The following JPH3 variants were observed in gnomAD, a reference collection of about 807,000 sequenced individuals.
JPH3 encodes junctophilin-3.
JPH3 carries 11 observed loss-of-function variants against 59.6 expected under a neutral mutation model. The observed-to-expected ratio is 0.18, with a 90% CI of 0.12 to 0.31. The LOEUF (loss-of-function observed/expected upper bound fraction) is 0.31, where lower values mean the gene tolerates loss of function less well. Ranked by LOEUF, JPH3 falls within the 10% of genes least tolerant of loss-of-function variation. The probability of loss-of-function intolerance (pLI) is 1.00; values close to 1 mark genes in which losing one functional copy is unlikely to be tolerated. For synonymous variants in JPH3, 673 were observed against 483.6 expected (o/e 1.39, Z -5.14); for missense variants, 1,202 against 1,105.7 (o/e 1.09, Z -1.24).
intron 4 of JPH3, chr16:87,696,367 C>T (rs899688620): frequency 4.7e-5 from 28 of 592,274 alleles, no homozygotes; most frequent in African/African-American, 2.4e-4. Context: ...CAACCTCAGA[C>T]GTACAGGCAG....
chr16:87,690,503 G>A lies in JPH3; in HGVS notation c.2143G>A (p.Gly715Arg), dbSNP rs143235998. The A allele has an allele frequency of 1.3e-6, 2 of 1,483,562 alleles. No individual in the cohort carries two copies. Among genetic ancestry groups the A allele is most frequent in the Non-Finnish European group, 1.8e-6 (2 of 1,118,002 alleles). 91.9% of individuals were successfully genotyped at this position (1,483,562 alleles called of 1,614,324 possible). A position where few individuals can be genotyped will look rare whatever the true frequency, so the allele number is the denominator to read the frequency against. The change falls in exon 4 of 5, where the codon GGG becomes AGG. Residue 715 changes from glycine to arginine, a missense_variant. By Grantham distance (125) the Gly-to-Arg change is moderately radical. Coordinates refer to ENST00000284262, the MANE Select transcript of JPH3 (RefSeq NM_020655.4). ...PVALESDEEN[G>R]DELKSSTGSA... is the part of the protein sequence containing the mutation. ...CGCTCTAGAGTCCGACGAGGAGAAT[G>A]GGGATGAGCTCAAGTCCAGTACGGT...
chr16:87,690,985 G>C (rs8044545), intron 4 of JPH3, among the ~76,000 whole-genome samples: 38,013 of 152,024 alleles, frequency 0.25, 5,967 homozygotes, highest in African/African-American at 0.43. Context: ...GTTGGGGGGA[G>C]CTGCCAGTCC....
intron 1 of JPH3, among the ~76,000 whole-genome samples, chr16:87,641,662 A>G (rs1346261834): frequency 2.0e-5 from 3 of 152,218 alleles, no homozygotes; most frequent in Admixed American, 6.5e-5. Context: ...TGCGTTGCCG[A>G]TTCCTTTTTC....
At chr16:87,674,033 TA>T (rs369927115) in intron 2 of JPH3, among the ~76,000 whole-genome samples, 98 of 145,398 alleles carry the variant, frequency 6.7e-4, no homozygotes, top group African/African-American at 1.6e-3. Context: ...AGTGTTAAGT[TA>T]AAAAAAAAAA....
intron 1 of JPH3, among the ~76,000 whole-genome samples, chr16:87,637,134 A>G (rs1372782321): frequency 6.6e-6 from 1 of 152,152 alleles, no homozygotes; most frequent in Non-Finnish European, 1.5e-5. Context: ...TTACATCTGT[A>G]TTTTTATTTC....
At chr16:87,670,336 G>C (rs572559887) in intron 2 of JPH3, among the ~76,000 whole-genome samples, 1 of 152,150 alleles carries the variant, frequency 6.6e-6, no homozygotes, top group Non-Finnish European at 1.5e-5. Context: ...GCAAACCCAC[G>C]TGTGGCCTCT....
chr16:87,629,422 G>T lies in JPH3; in HGVS notation c.383-14836G>T, dbSNP rs1390886695. ...GATTTGGTCCATCCCATCTTTGTGG[G>T]TTTTTTTTTTTTTAATTTGGATGTG... On this transcript the variant is annotated intron_variant, in intron 1 of 4. Coordinates refer to ENST00000284262, the MANE Select transcript of JPH3 (RefSeq NM_020655.4). Among the ~76,000 whole-genome samples, 4 of 145,724 alleles carry T rather than the reference G, an allele frequency of 2.7e-5. No individual in the cohort carries two copies. In the South Asian group the frequency reaches 6.5e-4, roughly 24 times the overall value.
At chr16:87,638,517 C>G (rs1355511238) in intron 1 of JPH3, among the ~76,000 whole-genome samples, 1 of 151,982 alleles carries the variant, frequency 6.6e-6, no homozygotes, top group Admixed American at 6.6e-5. Flanking sequence ...AAGAATTGTG[C>G]CGGAACAGTG....
chr16:87,691,463 G>C (rs2033571050), intron 4 of JPH3, among the ~76,000 whole-genome samples: 2 of 152,202 alleles, frequency 1.3e-5, no homozygotes, highest in South Asian at 4.1e-4. Context: ...GAGGACGCAG[G>C]GGGGTGTCCG....
intron 1 of JPH3, among the ~76,000 whole-genome samples, chr16:87,608,393 G>A (rs2030606997): frequency 6.6e-6 from 1 of 152,226 alleles, no homozygotes; most frequent in South Asian, 2.1e-4. Flanking sequence ...CTAGAGGAGA[G>A]GGTGATGTTG....
intron 1 of JPH3, among the ~76,000 whole-genome samples, chr16:87,640,081 C>T (rs543989587): frequency 4.1e-4 from 63 of 152,280 alleles, no homozygotes; most frequent in African/African-American, 1.5e-3. Context: ...ATTTAACAAG[C>T]ACTTTGGGAG....
intron 2 of JPH3, among the ~76,000 whole-genome samples, chr16:87,646,954 G>A (rs557446000): frequency 6.6e-6 from 1 of 152,162 alleles, no homozygotes; most frequent in South Asian, 2.1e-4. Flanking sequence ...TAAGAGAAGC[G>A]GGTTCCCATT....
Position 87,616,193 on chromosome 16 carries a change from TG to T in JPH3, c.382+12666del, listed in dbSNP as rs1567583269. Among the ~76,000 whole-genome samples, 546 of 63,030 alleles carry T rather than the reference TG, an allele frequency of 8.7e-3. 6 individuals carry two copies. Among genetic ancestry groups the T allele is most frequent in the African/African-American group, 0.027 (500 of 18,826 alleles). 41.4% of individuals were successfully genotyped at this position (63,030 alleles called of 152,430 possible). The stretch of plus-strand genomic sequence containing the variant: ...AGAACAGCAACGCAATCTGGTTTTG[TG>T]TGTGTGTGTGTGTGTGTGTGTGTGT... On this transcript the variant is annotated intron_variant, in intron 1 of 4. Coordinates refer to ENST00000284262, the MANE Select transcript of JPH3 (RefSeq NM_020655.4).
At chr16:87,609,313 G>A (rs2030646792) in intron 1 of JPH3, among the ~76,000 whole-genome samples, 1 of 152,124 alleles carries the variant, frequency 6.6e-6, no homozygotes, top group East Asian at 1.9e-4. Context: ...GTAGCCCAAG[G>A]TGGAGTGCAG....
At chr16:87,672,930 A>C (rs13329893) in intron 2 of JPH3, among the ~76,000 whole-genome samples, 11,097 of 152,284 alleles carry the variant, frequency 0.073, 501 homozygotes, top group South Asian at 0.15. Flanking sequence ...ACATCACCTA[A>C]GGTCAGGAGT....
intron 1 of JPH3, among the ~76,000 whole-genome samples, chr16:87,606,652 G>A (rs1303464596): frequency 6.6e-6 from 1 of 152,206 alleles, no homozygotes; most frequent in Admixed American, 6.5e-5. Context: ...TACCTGTAAG[G>A]TGGGTGAGGA....
At chr16:87,663,470 G>C (rs1373375610) in intron 2 of JPH3, among the ~76,000 whole-genome samples, 1 of 152,214 alleles carries the variant, frequency 6.6e-6, no homozygotes. Context: ...TTGAAAATGA[G>C]AGTTGGTTCC....
At chr16:87,672,566 G>A (rs182517049) in intron 2 of JPH3, among the ~76,000 whole-genome samples, 73 of 152,350 alleles carry the variant, frequency 4.8e-4, no homozygotes, top group African/African-American at 1.5e-3. Context: ...GGGGGAGAAC[G>A]GGGCTTGCTT....
At chr16:87,671,011 G>C (rs1279878494) in intron 2 of JPH3, among the ~76,000 whole-genome samples, 1 of 152,184 alleles carries the variant, frequency 6.6e-6, no homozygotes, top group Admixed American at 6.5e-5. Context: ...CCTGGGGCTG[G>C]AATCCTGGGG....
Sources: gnomAD v4.1 joint callset for allele counts (sites outside exome capture counted in the v4.1 genomes callset) on GRCh38, gnomAD v4.1.1 for gene constraint, MANE v1.5 for transcripts, NCBI Gene and HGNC (gene_info 2026-07-23, HGNC 2026-07-21) for gene names.